NFIA: variants seen among roughly 807,000 people sequenced by gnomAD.
The protein encoded by NFIA is nuclear factor 1 A-type.
Under a neutral mutation model 62.8 loss-of-function variants are expected in NFIA, and 8 were observed. The ratio of observed to expected loss-of-function variants is 0.13; its 90% CI spans 0.07 to 0.23. The LOEUF (loss-of-function observed/expected upper bound fraction) is 0.23, where lower values mean the gene tolerates loss of function less well. NFIA is among the 10% of genes least tolerant of loss of function. NFIA has a pLI of 1.00. For synonymous variants in NFIA, 235 were observed against 238.1 expected (o/e 0.99, Z 0.12); for missense variants, 410 against 642.1 (o/e 0.64, Z 3.91).
intron 3 of NFIA, among the ~76,000 whole-genome samples, chr1:61,315,626 T>C (rs1020253437): frequency 2.6e-5 from 4 of 152,160 alleles, no homozygotes; most frequent in Non-Finnish European, 5.9e-5. Flanking sequence ...GGGAAAAATA[T>C]TAGAGCTGGA....
intron 6 of NFIA, among the ~76,000 whole-genome samples, chr1:61,366,858 G>A (rs1387501389): frequency 1.3e-5 from 2 of 152,182 alleles, no homozygotes; most frequent in African/African-American, 4.8e-5. Context: ...AGGAGGCAGA[G>A]GTTGCAGTGA....
chr1:61,421,321 G>T (rs550205685), intron 9 of NFIA, among the ~76,000 whole-genome samples: 7 of 152,150 alleles, frequency 4.6e-5, no homozygotes, highest in Admixed American at 2.6e-4. Context: ...AGCCTGGCAC[G>T]TAGCAAGTGT....
intron 4 of NFIA, among the ~76,000 whole-genome samples, chr1:61,337,504 A>G (rs561307170): frequency 1.3e-5 from 2 of 152,264 alleles, no homozygotes; most frequent in African/African-American, 4.8e-5. Flanking sequence ...GGGAGGAGGA[A>G]AATACAGACC....
chr1:61,383,701 T>C (rs1383711557), intron 7 of NFIA, among the ~76,000 whole-genome samples: 1 of 152,260 alleles, frequency 6.6e-6, no homozygotes, highest in Non-Finnish European at 1.5e-5. Context: ...AGAATGTGTG[T>C]GTGTGTGCGC....
At chr1:61,235,125 G>C (rs1386405291) in intron 2 of NFIA, among the ~76,000 whole-genome samples, 1 of 152,186 alleles carries the variant, frequency 6.6e-6, no homozygotes, top group Non-Finnish European at 1.5e-5. Context: ...TGTTTGTTGA[G>C]TGAATAAAGG....
chr1:61,226,303 G>A (rs192707287), intron 2 of NFIA, among the ~76,000 whole-genome samples: 114 of 152,286 alleles, frequency 7.5e-4, no homozygotes, highest in Non-Finnish European at 1.1e-3. Context: ...CTCCAGATAT[G>A]TATTTACATG....
chr1:61,150,538 G>A (rs890255190), intron 2 of NFIA, among the ~76,000 whole-genome samples: 5 of 152,176 alleles, frequency 3.3e-5, no homozygotes, highest in African/African-American at 1.2e-4. Context: ...TATATACTGA[G>A]AAGGTATTTT....
intron 2 of NFIA, among the ~76,000 whole-genome samples, chr1:61,178,594 G>A (rs1650553021): frequency 3.3e-5 from 5 of 152,188 alleles, no homozygotes; most frequent in Admixed American, 3.3e-4. Flanking sequence ...GTTTGCCCCT[G>A]TGACTGTGGT....
In NFIA at chr1:61,309,264, C is replaced by T. The variant is rs375144163; in HGVS notation, c.626-23248C>T. 3.3e-5 allele frequency among the ~76,000 whole-genome samples: 5 copies of T among 152,070 alleles called. No individual in the cohort carries two copies. The East Asian group carries it at 9.7e-4, about 29-fold the overall frequency. On this transcript the variant is annotated intron_variant, in intron 3 of 10. Transcript: ENST00000403491. ...AAGAGACCCTACATGTGACGTGTGT[C>T]CTACGAATCTTGGAGTCTTGACTCC...
intron 2 of NFIA, among the ~76,000 whole-genome samples, chr1:61,165,164 C>T (rs1273500069): frequency 2.6e-5 from 4 of 152,082 alleles, no homozygotes; most frequent in Non-Finnish European, 2.9e-5. Flanking sequence ...TATTTCTGTA[C>T]TGCTATATTA....
chr1:61,122,413 G>C (rs899789684), intron 2 of NFIA, among the ~76,000 whole-genome samples: 2 of 152,172 alleles, frequency 1.3e-5, no homozygotes, highest in South Asian at 2.1e-4. Context: ...ATGTATCCCA[G>C]AGTTTGCACG....
intron 2 of NFIA, among the ~76,000 whole-genome samples, chr1:61,115,604 C>T (rs183001064): frequency 3.9e-5 from 6 of 152,298 alleles, no homozygotes; most frequent in African/African-American, 1.2e-4. Flanking sequence ...GTTCTGGACA[C>T]GGCACGTGGA....
chr1:61,187,219 A>T (rs1285062168), intron 2 of NFIA, among the ~76,000 whole-genome samples: 1 of 152,166 alleles, frequency 6.6e-6, no homozygotes, highest in African/African-American at 2.4e-5. Context: ...GACTGCTATT[A>T]TTATTATTAT....
chr1:61,348,623 C>A (rs182822613), intron 4 of NFIA, among the ~76,000 whole-genome samples: 3 of 152,254 alleles, frequency 2.0e-5, no homozygotes, highest in Non-Finnish European at 4.4e-5. Context: ...ACAGGCTTTT[C>A]TTTTTCTTCC....
At chr1:61,345,771 A>G (rs931389968) in intron 4 of NFIA, among the ~76,000 whole-genome samples, 1 of 152,152 alleles carries the variant, frequency 6.6e-6, no homozygotes, top group Admixed American at 6.5e-5. Flanking sequence ...TCACCCCCCT[A>G]CTCTGATTCA....
intron 2 of NFIA, among the ~76,000 whole-genome samples, chr1:61,197,238 T>G (rs1033575539): frequency 7.0e-6 from 1 of 142,860 alleles, no homozygotes; most frequent in Non-Finnish European, 1.5e-5. Context: ...CTGGTTCTTT[T>G]TTTTTTTTTT....
chr1:61,164,067 T>A (rs1649401686), intron 2 of NFIA, among the ~76,000 whole-genome samples: 1 of 152,194 alleles, frequency 6.6e-6, no homozygotes. Context: ...GAAAGAAAAA[T>A]TTTAGTTTAA....
chr1:61,100,633 G>T (rs550722051), intron 2 of NFIA, among the ~76,000 whole-genome samples: 9 of 152,222 alleles, frequency 5.9e-5, no homozygotes, highest in African/African-American at 2.2e-4. Context: ...TTGCTCTGTT[G>T]CCTAGCTGGA....
intron 4 of NFIA, among the ~76,000 whole-genome samples, chr1:61,336,262 G>T (rs765229075): frequency 6.6e-6 from 1 of 152,050 alleles, no homozygotes; most frequent in Admixed American, 6.5e-5. Context: ...TTAAAAAAAG[G>T]TTAAAACTAT....
Sources: allele counts gnomAD v4.1 joint callset (sites outside exome capture counted in the v4.1 genomes callset), GRCh38; gene constraint gnomAD v4.1.1; transcripts MANE v1.5; gene names NCBI Gene and HGNC (gene_info 2026-07-23, HGNC 2026-07-21).